DLG1: variants seen among roughly 807,000 people sequenced by gnomAD.
The protein encoded by DLG1 is disks large homolog 1.
In DLG1, 42 loss-of-function variants were observed where a neutral mutation model predicts 123.4. The observed-to-expected ratio is 0.34, with a 90% CI of 0.27 to 0.44. The LOEUF is 0.44. DLG1 is among the 20% of genes least tolerant of loss of function. The pLI is 1.00. For missense variants in DLG1, 942 were observed against 1,082.6 expected (o/e 0.87, Z 1.82); for synonymous variants, 317 against 356.2 (o/e 0.89, Z 1.24).
At chr3:197,297,454 G>A in intron 1 of DLG1, 1 of 1,368,534 alleles carries the variant, frequency 7.3e-7, no homozygotes. Flanking sequence ...ACAGAAGTCG[G>A]CTTCCAAACT....
At chr3:197,094,012 T>G (rs1759262181) in intron 14 of DLG1, among the ~76,000 whole-genome samples, 1 of 152,148 alleles carries the variant, frequency 6.6e-6, no homozygotes, top group Admixed American at 6.5e-5. Context: ...GTAATGCTTG[T>G]TCAGTGGAAG....
intron 4 of DLG1, among the ~76,000 whole-genome samples, chr3:197,271,249 C>T (rs544739151): frequency 3.9e-5 from 6 of 152,276 alleles, no homozygotes; most frequent in African/African-American, 1.4e-4. Flanking sequence ...AATCCACAAC[C>T]CTAAAGTATG....
intron 4 of DLG1, among the ~76,000 whole-genome samples, chr3:197,282,403 C>T (rs773933757): frequency 2.0e-5 from 3 of 152,134 alleles, no homozygotes; most frequent in African/African-American, 4.8e-5. Flanking sequence ...ACAGATGAAG[C>T]CTTGTTGAGG....
rs554358770 is a variant in DLG1, at chr3:197,297,747, C to T, written c.-31-512G>A. The T allele has an allele frequency of 6.1e-6, 6 of 986,320 alleles. No individual in the cohort carries two copies. In the East Asian group the frequency reaches 6.8e-4, roughly 112 times the overall value. 61.1% of individuals were successfully genotyped at this position (986,320 alleles called of 1,614,324 possible). On this transcript the variant is annotated intron_variant, in intron 1 of 24. Transcript: ENST00000667157. Reference sequence around the variant, plus strand: ...GGCAGCGGCCGCTCTCCGCGACGCCCTCGCGCCCCGCATGCACACCTCCGC... The same window carrying T: ...GGCAGCGGCCGCTCTCCGCGACGCCTTCGCGCCCCGCATGCACACCTCCGC...
intron 11 of DLG1, among the ~76,000 whole-genome samples, chr3:197,124,990 A>G (rs918291441): frequency 2.6e-5 from 4 of 152,206 alleles, no homozygotes; most frequent in African/African-American, 9.6e-5. Context: ...CAGACAACAA[A>G]CAATGACATT....
chr3:197,137,593 T>C (rs773174984), intron 9 of DLG1, among the ~76,000 whole-genome samples: 10 of 152,162 alleles, frequency 6.6e-5, no homozygotes, highest in South Asian at 2.1e-4. Flanking sequence ...TGAGCAAATA[T>C]TGAATATAAA....
At chr3:197,159,860 T>G (rs1033214197) in intron 5 of DLG1, among the ~76,000 whole-genome samples, 1 of 152,058 alleles carries the variant, frequency 6.6e-6, no homozygotes, top group Non-Finnish European at 1.5e-5. Context: ...TCAATAAATA[T>G]CCTCATTTAA....
chr3:197,243,953 T>G (rs1750284420), intron 4 of DLG1, among the ~76,000 whole-genome samples: 1 of 152,056 alleles, frequency 6.6e-6, no homozygotes, highest in South Asian at 2.1e-4. Flanking sequence ...AATGCCAGAG[T>G]GAAAGGGATA....
At chr3:197,219,310 A>T (rs186383408) in intron 4 of DLG1, among the ~76,000 whole-genome samples, 19 of 152,336 alleles carry the variant, frequency 1.2e-4, no homozygotes, top group Admixed American at 1.2e-3. Flanking sequence ...TAATCTGAAA[A>T]TTCAAGTAAT....
chr3:197,102,412 C>A (rs1579215314), intron 14 of DLG1, among the ~76,000 whole-genome samples: 1 of 152,190 alleles, frequency 6.6e-6, no homozygotes, highest in Admixed American at 6.5e-5. Context: ...AGGAAAGATA[C>A]TAACTGCAAG....
intron 18 of DLG1, chr3:197,069,540 C>A (rs967084220): frequency 5.5e-5 from 13 of 236,352 alleles, no homozygotes; most frequent in Admixed American, 1.1e-4. Flanking sequence ...CTAAGTGACC[C>A]TGAATTAGTC....
chr3:197,224,884 A>G (rs1215418183), intron 4 of DLG1, among the ~76,000 whole-genome samples: 2 of 152,222 alleles, frequency 1.3e-5, no homozygotes, highest in East Asian at 1.9e-4. Context: ...ATACCTCAAA[A>G]TAAGTAATTA....
rs947110455 is a variant in DLG1, at chr3:197,204,196, T to C, written c.319-9607A>G. 2.0e-5 allele frequency among the ~76,000 whole-genome samples: 3 copies of C among 152,236 alleles called. 1 individual carries two copies. The highest frequency in any genetic ancestry group is 4.1e-4 in the South Asian group (2 of 4,834). On this transcript the variant is annotated intron_variant, in intron 4 of 24. Transcript: ENST00000667157. ...CATTACACTGACTTCATTTTTCTACTTGTACATTTCAAATGAGCTAACCAC... is the reference window on the plus strand; with the variant it reads ...CATTACACTGACTTCATTTTTCTACCTGTACATTTCAAATGAGCTAACCAC...
chr3:197,274,139 A>G (rs1765274321), intron 4 of DLG1, among the ~76,000 whole-genome samples: 1 of 152,228 alleles, frequency 6.6e-6, no homozygotes, highest in South Asian at 2.1e-4. Flanking sequence ...AACACTCCGA[A>G]TACCCAGAAC....
intron 16 of DLG1, among the ~76,000 whole-genome samples, chr3:197,083,578 C>G (rs572610494): frequency 6.6e-6 from 1 of 152,280 alleles, no homozygotes; most frequent in East Asian, 1.9e-4. Context: ...AGAAGAGGTC[C>G]TCTAAGCTGG....
chr3:197,200,282 A>C (rs1168495302), intron 4 of DLG1, among the ~76,000 whole-genome samples: 2 of 152,208 alleles, frequency 1.3e-5, no homozygotes, highest in Non-Finnish European at 2.9e-5. Context: ...TTAGTGTGCA[A>C]ATATCTCCCT....
Position 197,226,464 on chromosome 3 carries a change from C to T in DLG1, c.319-31875G>A, listed in dbSNP as rs768706339. 21 of 152,168 alleles carry T rather than the reference C, an allele frequency of 1.4e-4. 1 individual carries two copies. The highest frequency in any genetic ancestry group is 2.9e-4 in the Non-Finnish European group (20 of 68,006). The allele number at this position is 152,168 out of a possible 1,614,324, so 9.4% of individuals were successfully genotyped here. On this transcript the variant is annotated intron_variant, in intron 4 of 24. Transcript: ENST00000667157. The stretch of plus-strand genomic sequence containing the variant: ...TTACACGGTTCAATAAGAGATGAGC[C>T]CAGAGCTTGTCATATGTGATGCTTT...
intron 4 of DLG1, among the ~76,000 whole-genome samples, chr3:197,200,293 A>C (rs1392065550): frequency 6.6e-6 from 1 of 152,192 alleles, no homozygotes; most frequent in Non-Finnish European, 1.5e-5. Flanking sequence ...ATATCTCCCT[A>C]TCTACCCCTC....
At chr3:197,133,165 A>G (rs148051116) in intron 10 of DLG1, among the ~76,000 whole-genome samples, 69 of 152,338 alleles carry the variant, frequency 4.5e-4, no homozygotes, top group Non-Finnish European at 8.5e-4. Flanking sequence ...GCTTTAGCCA[A>G]TGAGGTACAG....
Sources: gnomAD v4.1 joint callset for allele counts (sites outside exome capture counted in the v4.1 genomes callset) on GRCh38, gnomAD v4.1.1 for gene constraint, MANE v1.5 for transcripts, NCBI Gene and HGNC (gene_info 2026-07-23, HGNC 2026-07-21) for gene names.